MIS18A: variants seen among roughly 807,000 people sequenced by gnomAD.
MIS18A encodes MIS18 kinetochore protein A, also known as protein Mis18-alpha.
MIS18A carries 14 observed loss-of-function variants against 25.0 expected under a neutral mutation model. The ratio of observed to expected loss-of-function variants is 0.56; its 90% CI spans 0.37 to 0.88. MIS18A has a LOEUF of 0.88. Among genes scored for constraint, MIS18A ranks in the 40% least tolerant of loss-of-function variants. The probability of loss-of-function intolerance (pLI) is 0.00; values close to 1 mark genes in which losing one functional copy is unlikely to be tolerated. For synonymous variants in MIS18A, 134 were observed against 118.6 expected, an observed-to-expected ratio of 1.13 and a Z score of -0.84; for missense variants, 292 against 290.8, an observed-to-expected ratio of 1.00 and a Z score of -0.03.
the MIS18A span, chr21:32,259,785 A>G: frequency 6.6e-6 from 1 of 152,172 alleles, no homozygotes; most frequent in African/African-American, 2.4e-5. Context: ...CCCACCCCCA[A>G]TCCCAAGAAT....
the MIS18A span, among the ~76,000 whole-genome samples, chr21:32,252,617 C>T: frequency 1.4e-4 from 22 of 152,288 alleles, no homozygotes; most frequent in Middle Eastern, 3.4e-3. Flanking sequence ...TCCAGCATAC[C>T]CGCTGTCAGA....
At chr21:32,210,805 T>C in the MIS18A span, among the ~76,000 whole-genome samples, 1 of 152,230 alleles carries the variant, frequency 6.6e-6, no homozygotes, top group African/African-American at 2.4e-5. Flanking sequence ...TTTAAATTCA[T>C]ATGCAATCTG....
the MIS18A span, among the ~76,000 whole-genome samples, chr21:32,172,296 A>G: frequency 6.6e-6 from 1 of 152,096 alleles, no homozygotes; most frequent in Admixed American, 6.5e-5. Flanking sequence ...CTGGGCATAT[A>G]CCCAAAGGAA....
chr21:32,192,883 A>G, the MIS18A span, among the ~76,000 whole-genome samples: 2 of 152,178 alleles, frequency 1.3e-5, no homozygotes, highest in Admixed American at 1.3e-4. Context: ...AGGAGCTATA[A>G]GATGTCACTA....
chr21:32,204,834 C>A, the MIS18A span, among the ~76,000 whole-genome samples: 1 of 152,108 alleles, frequency 6.6e-6, no homozygotes, highest in Non-Finnish European at 1.5e-5. Context: ...CTGCAGTGAG[C>A]CAAGATCACG....
At chr21:32,278,188 T>A (rs1379251917) in intron 1 of MIS18A, 1 of 154,854 alleles carries the variant, frequency 6.5e-6, no homozygotes, top group Non-Finnish European at 1.4e-5. Context: ...GGGTTGTTGG[T>A]GCTTTTATTG....
the MIS18A span, among the ~76,000 whole-genome samples, chr21:32,157,158 T>C: frequency 6.7e-6 from 1 of 148,882 alleles, no homozygotes; most frequent in Admixed American, 6.8e-5. Context: ...CGGGTTCAAA[T>C]GATTTTCCTG....
chr21:32,197,759 A>G, the MIS18A span: 1 of 152,202 alleles, frequency 6.6e-6, no homozygotes, highest in East Asian at 1.9e-4. Flanking sequence ...TCAAGGAAAG[A>G]TAAAAGAATC....
At chr21:32,202,466 T>C in the MIS18A span, among the ~76,000 whole-genome samples, 37 of 152,206 alleles carry the variant, frequency 2.4e-4, no homozygotes, top group Non-Finnish European at 1.5e-5. Context: ...TGGAAATTTC[T>C]GTAATCAAAA....
the MIS18A span, among the ~76,000 whole-genome samples, chr21:32,205,191 G>T: frequency 8.0e-6 from 1 of 124,756 alleles, no homozygotes; most frequent in South Asian, 2.9e-4. Context: ...TGCAAGCTCC[G>T]CCTCCCGAGT....
chr21:32,251,373 C>G, the MIS18A span, among the ~76,000 whole-genome samples: 2 of 152,110 alleles, frequency 1.3e-5, no homozygotes. Flanking sequence ...CTCTCCTTCC[C>G]TCTCCCACCT....
the MIS18A span, among the ~76,000 whole-genome samples, chr21:32,232,376 CATAA>C: frequency 3.3e-5 from 5 of 150,764 alleles, no homozygotes; most frequent in East Asian, 3.9e-4. Flanking sequence ...ATGTGGTATG[CATAA>C]ATAGATACAC....
rs578174797 is a variant in MIS18A at position 32,270,360 on chromosome 21, T to C, written c.524+47A>G. On this transcript the variant is annotated intron_variant, in intron 3 of 4. Transcript: ENST00000290130. ...AGTTCTGACAATTCCGTGCCTTAACTTTCTGAAACACCAGTTGTGAGGTAA... is the reference window on the plus strand; with the variant it reads ...AGTTCTGACAATTCCGTGCCTTAACCTTCTGAAACACCAGTTGTGAGGTAA... 4 of 1,607,872 alleles carry C rather than the reference T, an allele frequency of 2.5e-6. No individual in the cohort carries two copies. The Admixed American group carries it at 5.0e-5, about 20-fold the overall frequency.
At chr21:32,218,200 A>G in the MIS18A span, among the ~76,000 whole-genome samples, 1 of 150,864 alleles carries the variant, frequency 6.6e-6, no homozygotes, top group Non-Finnish European at 1.5e-5. Context: ...CTCAAAAAAA[A>G]AAAAAAAAAA....
chr21:32,186,607 G>A, the MIS18A span, among the ~76,000 whole-genome samples: 1 of 152,320 alleles, frequency 6.6e-6, no homozygotes, highest in East Asian at 1.9e-4. Flanking sequence ...AGAAGAGGGC[G>A]ATACATCTAC....
chr21:32,231,232 T>A, the MIS18A span, among the ~76,000 whole-genome samples: 2 of 133,094 alleles, frequency 1.5e-5, no homozygotes, highest in South Asian at 2.4e-4. Context: ...CGAGACCCTG[T>A]CTCGAAAAAA....
the MIS18A span, among the ~76,000 whole-genome samples, chr21:32,236,354 A>G: frequency 6.6e-6 from 1 of 152,146 alleles, no homozygotes; most frequent in African/African-American, 2.4e-5. Flanking sequence ...CCGCACTCCA[A>G]CCTGGGTGAC....
chr21:32,254,643 T>C, the MIS18A span, among the ~76,000 whole-genome samples: 1 of 152,244 alleles, frequency 6.6e-6, no homozygotes, highest in Non-Finnish European at 1.5e-5. Flanking sequence ...GTCTAACTTT[T>C]GTCATGTTGT....
At chr21:32,242,795 G>A in the MIS18A span, among the ~76,000 whole-genome samples, 2 of 152,200 alleles carry the variant, frequency 1.3e-5, no homozygotes, top group African/African-American at 4.8e-5. Context: ...CAGGGGTAGT[G>A]AAGACTCAGA....
Sources: allele counts gnomAD v4.1 joint callset (sites outside exome capture counted in the v4.1 genomes callset), GRCh38; gene constraint gnomAD v4.1.1; transcripts MANE v1.5; gene names NCBI Gene and HGNC (gene_info 2026-07-23, HGNC 2026-07-21).